NKAIN3: variants seen among roughly 807,000 people sequenced by gnomAD.
NKAIN3 encodes the protein sodium/potassium transporting ATPase interacting 3.
NKAIN3 carries 25 observed loss-of-function variants against 30.2 expected under a neutral mutation model. That is an observed-to-expected ratio of 0.83 (90% CI 0.60 to 1.16). NKAIN3 has a LOEUF of 1.16. NKAIN3 is among the 50% of genes most tolerant of loss of function. The probability of loss-of-function intolerance (pLI) is 0.00; values close to 1 mark genes in which losing one functional copy is unlikely to be tolerated. For synonymous variants in NKAIN3, 91 were observed against 89.6 expected, an observed-to-expected ratio of 1.02 and a Z score of -0.09; for missense variants, 225 against 254.1, an observed-to-expected ratio of 0.89 and a Z score of 0.78.
chr8:62,590,716 A>C (rs1810625742), intron 3 of NKAIN3, among the ~76,000 whole-genome samples: 1 of 151,902 alleles, frequency 6.6e-6, no homozygotes, highest in Non-Finnish European at 1.5e-5. Flanking sequence ...CTTAGGTTCC[A>C]TTGAAGTCCT....
intron 5 of NKAIN3, among the ~76,000 whole-genome samples, chr8:62,929,674 T>C (rs1822559966): frequency 1.3e-5 from 2 of 152,172 alleles, no homozygotes; most frequent in Non-Finnish European, 2.9e-5. Flanking sequence ...TTTTAAACCA[T>C]TATGCAATTT....
At chr8:62,662,417 A>T (rs1812974383) in intron 3 of NKAIN3, among the ~76,000 whole-genome samples, 1 of 152,192 alleles carries the variant, frequency 6.6e-6, no homozygotes, top group Non-Finnish European at 1.5e-5. Context: ...GTCTCCTAGA[A>T]ATCCCAACCA....
Position 62,970,456 on chromosome 8 carries a change from A to G in NKAIN3, c.*5049A>G, listed in dbSNP as rs1160266885. ...GTAGAAAAATTTGGTGGCAGGCAAA[A>G]CTTGAATCATCTTTCTTGAACTTGC... On this transcript the variant is annotated 3_prime_UTR_variant, in exon 7 of 7. Transcript: ENST00000623646. Among the ~76,000 whole-genome samples the G allele has an allele frequency of 1.3e-5, 2 of 152,132 alleles. No homozygotes were observed. Among genetic ancestry groups the G allele is most frequent in the Non-Finnish European group, 2.9e-5 (2 of 68,036 alleles).
chr8:62,636,430 C>T (rs1351717225), intron 3 of NKAIN3, among the ~76,000 whole-genome samples: 1 of 152,100 alleles, frequency 6.6e-6, no homozygotes, highest in Non-Finnish European at 1.5e-5. Flanking sequence ...TCAGAATTTT[C>T]CTAGTATAAG....
At chr8:62,803,993 C>A (rs1049649093) in intron 4 of NKAIN3, among the ~76,000 whole-genome samples, 4 of 152,170 alleles carry the variant, frequency 2.6e-5, no homozygotes, top group African/African-American at 7.2e-5. Context: ...CACCTCTACA[C>A]AAATAAACTA....
chr8:62,855,235 A>T, intron 4 of NKAIN3: 1 of 407,226 alleles, frequency 2.5e-6, no homozygotes, highest in Non-Finnish European at 4.7e-6. Context: ...AACACATTTT[A>T]ACTGGCTGGG....
intron 4 of NKAIN3, among the ~76,000 whole-genome samples, chr8:62,749,771 T>C (rs1167718852): frequency 1.3e-5 from 2 of 150,426 alleles, no homozygotes; most frequent in Non-Finnish European, 3.0e-5. Context: ...CAACCTCCGC[T>C]TCCCAGGTTC....
At chr8:62,723,173 A>C (rs1815145542) in intron 3 of NKAIN3, among the ~76,000 whole-genome samples, 1 of 152,176 alleles carries the variant, frequency 6.6e-6, no homozygotes, top group South Asian at 2.1e-4. Context: ...GAATAACTAA[A>C]ATAATTATAT....
chr8:62,302,710 AG>A (rs1482099474), intron 1 of NKAIN3, among the ~76,000 whole-genome samples: 1 of 152,034 alleles, frequency 6.6e-6, no homozygotes, highest in Non-Finnish European at 1.5e-5. Flanking sequence ...GAGGTGAAAA[AG>A]CTGTCAACTG....
At chr8:62,363,727 G>A (rs1298792106) in intron 1 of NKAIN3, among the ~76,000 whole-genome samples, 1 of 152,178 alleles carries the variant, frequency 6.6e-6, no homozygotes, top group Non-Finnish European at 1.5e-5. Flanking sequence ...ACTCCAAGGG[G>A]ATTAGATGAA....
At chr8:62,527,684 T>G (rs1808348057) in intron 1 of NKAIN3, among the ~76,000 whole-genome samples, 1 of 149,840 alleles carries the variant, frequency 6.7e-6, no homozygotes, top group South Asian at 2.1e-4. Context: ...TTAGAAAATG[T>G]ATTATTATAT....
At chr8:62,845,219 G>C (rs527589874) in intron 4 of NKAIN3, among the ~76,000 whole-genome samples, 1 of 143,478 alleles carries the variant, frequency 7.0e-6, no homozygotes, top group Non-Finnish European at 1.5e-5. Context: ...TTGCTCCTAC[G>C]TTGGCTCTGT....
At chr8:62,417,567 G>A (rs1333185134) in intron 1 of NKAIN3, among the ~76,000 whole-genome samples, 1 of 152,032 alleles carries the variant, frequency 6.6e-6, no homozygotes, top group Non-Finnish European at 1.5e-5. Context: ...CATAGTAGTT[G>A]AACTAATTTA....
chr8:62,955,165 T>C (rs1823388468), intron 6 of NKAIN3, among the ~76,000 whole-genome samples: 1 of 152,210 alleles, frequency 6.6e-6, no homozygotes, highest in Non-Finnish European at 1.5e-5. Context: ...TCTGGCAGAA[T>C]GATCTAAAGT....
chr8:62,876,001 A>G (rs1820783879), intron 4 of NKAIN3, among the ~76,000 whole-genome samples: 1 of 152,096 alleles, frequency 6.6e-6, no homozygotes, highest in South Asian at 2.1e-4. Flanking sequence ...CTAAAGAGCT[A>G]ATGTACAGCA....
intron 4 of NKAIN3, among the ~76,000 whole-genome samples, chr8:62,862,188 T>C (rs1009326740): frequency 1.3e-5 from 2 of 152,166 alleles, no homozygotes; most frequent in African/African-American, 2.4e-5. Flanking sequence ...TGGCTTCTCA[T>C]TTACATGGCA....
chr8:62,877,479 T>C (rs1345024090), intron 4 of NKAIN3, among the ~76,000 whole-genome samples: 1 of 152,184 alleles, frequency 6.6e-6, no homozygotes, highest in Admixed American at 6.5e-5. Flanking sequence ...CACTAGCTGA[T>C]GTGGGGAGGG....
chr8:62,467,138 T>C (rs1342528110), intron 1 of NKAIN3, among the ~76,000 whole-genome samples: 1 of 152,184 alleles, frequency 6.6e-6, no homozygotes, highest in Non-Finnish European at 1.5e-5. Context: ...GACTAATTCC[T>C]GCCTCAGGAC....
rs572179533 is a variant in NKAIN3 at position 62,936,635 on chromosome 8, T to C, written c.533-17267T>C. Among the ~76,000 whole-genome samples the C allele has an allele frequency of 4.6e-5, 7 of 152,314 alleles. No homozygotes were observed. The South Asian group carries it at 1.2e-3, about 27-fold the overall frequency. ...ATTATCCCATGGAATCTAAATGCTA[T>C]AGTGATTTAATATTCATCATTATCC... is the stretch of plus-strand genomic sequence containing the variant. On this transcript the variant is annotated intron_variant, in intron 5 of 6. Coordinates refer to ENST00000623646, the MANE Select transcript of NKAIN3 (RefSeq NM_001304533.3).
Sources: allele counts gnomAD v4.1 joint callset (sites outside exome capture counted in the v4.1 genomes callset), GRCh38; gene constraint gnomAD v4.1.1; transcripts MANE v1.5; gene names NCBI Gene and HGNC (gene_info 2026-07-23, HGNC 2026-07-21).